RPL7: variants seen among roughly 807,000 people sequenced by gnomAD.
The protein encoded by RPL7 is ribosomal protein L7.
For missense variants in RPL7, 205 were observed against 301.9 expected (o/e 0.68, Z 2.38); for synonymous variants, 100 against 102.2 (o/e 0.98, Z 0.13).
In RPL7 at chr8:73,290,881, A is replaced by G. The variant is rs559361127; in HGVS notation, c.*1+162T>C. The G allele has an allele frequency of 4.8e-6, 3 of 630,088 alleles. No homozygotes were observed. The South Asian group carries it at 6.3e-5, about 13-fold the overall frequency. The allele number at this position is 630,088 out of a possible 1,614,324, so 39.0% of individuals were successfully genotyped here. On this transcript the variant is annotated intron_variant, in intron 6 of 6. Transcript: ENST00000352983. ...CTCCAGAAAGGTCCTCAAAAGCAGT[A>G]AACAAACCAACTGTAATCATTAAGA...
At chr8:73,291,497 G>A in intron 5 of RPL7, 55 bp downstream of exon 5, 1 of 1,269,072 alleles carries the variant, frequency 7.9e-7, no homozygotes, top group South Asian at 1.3e-5. Context: ...GGCCACAAGA[G>A]GGTAAGAAAT....
intron 1 of RPL7, chr8:73,293,075 A>AAAAAAAAAC (rs1225053350): frequency 1.5e-5 from 5 of 328,736 alleles, no homozygotes; most frequent in African/African-American, 1.1e-4. Flanking sequence ...GACTAATTAA[A>AAAAAAAAAC]AAAAAAAACA....
At chr8:73,293,463 G>T in intron 1 of RPL7, 136 bp downstream of exon 1, 1 of 1,083,576 alleles carries the variant, frequency 9.2e-7, no homozygotes, top group Non-Finnish European at 1.4e-6. Context: ...GTCCCCACTG[G>T]TGTCACACAG....
In RPL7 at chr8:73,291,539, A is replaced by C. The variant is rs1380726866; in HGVS notation, c.538+13T>G. 3.2e-6 allele frequency: 5 copies of C among 1,582,800 alleles called. No individual in the cohort carries two copies. Among genetic ancestry groups the C allele is most frequent in the Non-Finnish European group, 3.5e-6 (4 of 1,157,672 alleles). ...ATGGTCTAATACCAAATTTTCCCCC[A>C]AATAGAACCTACCAAGAGATCGAGC... On this transcript the variant is annotated intron_variant, in intron 5 of 6. Coordinates refer to ENST00000352983, the MANE Select transcript of RPL7 (RefSeq NM_000971.4).
rs1814102733 is a variant in RPL7, at chr8:73,291,782, A to G, written c.419T>C (p.Ile140Thr). 1 of 1,606,512 alleles carries G rather than the reference A, an allele frequency of 6.2e-7. No homozygotes were observed. The highest frequency in any genetic ancestry group is 1.3e-5 in the African/African-American group (1 of 74,790). ...INMLRIVEPY[I>T]AWGYPNLKSV... ...GAGAAAAGAGACTTACCCCCATGCAATATATGGCTCTACAATCCTCAGCAT... is the reference window on the plus strand; with the variant it reads ...GAGAAAAGAGACTTACCCCCATGCAGTATATGGCTCTACAATCCTCAGCAT... The change falls in exon 4 of 7, where the codon ATT becomes ACT. Residue 140 changes from isoleucine (I) to threonine (T), a missense_variant. Physicochemically the swap from Ile to Thr is moderately conservative, Grantham distance 89 (BLOSUM62 -1). Coordinates refer to ENST00000352983, the MANE Select transcript of RPL7 (RefSeq NM_000971.4).
At chr8:73,293,157 A>G (rs531853309) in intron 1 of RPL7, 1 of 252,740 alleles carries the variant, frequency 4.0e-6, no homozygotes, top group East Asian at 7.9e-5. Flanking sequence ...TGACCCCGAG[A>G]CTTTAAGCGC....
Position 73,293,627 on chromosome 8 carries a change from A to G in RPL7, c.-15T>C. ...ACACCCTCCATGGTTCCAGCCGGAA[A>G]AAGAGGAAGTTGGCGCATGCGTACT... On this transcript the variant is annotated 5_prime_UTR_variant, in exon 1 of 7. Transcript: ENST00000352983. 1.2e-6 allele frequency: 2 copies of G among 1,613,838 alleles called. No individual in the cohort carries two copies. The highest frequency in any genetic ancestry group is 1.7e-6 in the Non-Finnish European group (2 of 1,179,854).
At chr8:73,290,731 GA>G (rs35507167) in intron 6 of RPL7, 26 bp from the exon 7 acceptor site, 2 of 245,070 alleles carry the variant, frequency 8.2e-6, no homozygotes, top group Non-Finnish European at 1.6e-5. Context: ...AAAACCATTA[GA>G]AAACACTTTA....
intron 2 of RPL7, 40 bp downstream of exon 2, chr8:73,292,649 G>A: frequency 6.9e-7 from 1 of 1,440,084 alleles, no homozygotes; most frequent in Non-Finnish European, 9.7e-7. Flanking sequence ...TCCCAATAAG[G>A]CGCCTCCTTA....
Position 73,291,642 on chromosome 8 carries a change from C to T in RPL7, c.448G>A (p.Val150Ile), listed in dbSNP as rs1253657224. 6.3e-7 allele frequency: 1 copy of T among 1,594,598 alleles called. No individual in the cohort carries two copies. Among genetic ancestry groups the T allele is most frequent in the African/African-American group, 1.3e-5 (1 of 74,648 alleles). The change falls in exon 5 of 7, where the codon GTA becomes ATA. Residue 150 changes from valine to isoleucine, a missense_variant. By Grantham distance (29) the Val-to-Ile change is conservative (BLOSUM62 3). Coordinates refer to ENST00000352983, the MANE Select transcript of RPL7 (RefSeq NM_000971.4). ...CCACGCTTGTAGATTAGTTCATTTA[C>T]TGACTTCAGATTGGGGTACCTGAAG... ...IAWGYPNLKS[V>I]NELIYKRGYG...
Position 73,292,511 on chromosome 8 carries a change from C to T in RPL7, c.124-106G>A, listed in dbSNP as rs538121531. 9.2e-6 allele frequency: 11 copies of T among 1,192,506 alleles called. No individual in the cohort carries two copies. In the African/African-American group the frequency reaches 1.5e-4, roughly 17 times the overall value. 73.9% of individuals were successfully genotyped at this position (1,192,506 alleles called of 1,614,324 possible). ...CATGTTTCCTTTAAATCTTTTCTTG[C>T]CACAGTATGCAATTACATCCCCCAC... On this transcript the variant is annotated intron_variant, in intron 2 of 6. Transcript: ENST00000352983.
Position 73,290,685 on chromosome 8 carries a change from A to G in RPL7, c.*22T>C. On this transcript the variant is annotated 3_prime_UTR_variant, in exon 7 of 7. Coordinates refer to ENST00000352983, the MANE Select transcript of RPL7 (RefSeq NM_000971.4). ...ACTGTTTATTAACCAACCAGCTTAG[A>G]AAAATAATCATGGTAGACACCTGAA... 1 of 195,358 alleles carries G rather than the reference A, an allele frequency of 5.1e-6. No homozygotes were observed. Among genetic ancestry groups the G allele is most frequent in the Non-Finnish European group, 1.0e-5 (1 of 95,326 alleles). 12.1% of individuals were successfully genotyped at this position (195,358 alleles called of 1,614,324 possible). A position where few individuals can be genotyped will look rare whatever the true frequency, so the allele number is the denominator to read the frequency against.
chr8:73,293,617 C>G lies in RPL7; in HGVS notation c.-5G>C. On this transcript the variant is annotated 5_prime_UTR_variant, in exon 1 of 7. Transcript: ENST00000352983. ...AACTCACTCTACACCCTCCATGGTT[C>G]CAGCCGGAAAAAGAGGAAGTTGGCG... 6.2e-7 allele frequency: 1 copy of G among 1,613,874 alleles called. No homozygotes were observed. Among genetic ancestry groups the G allele is most frequent in the Non-Finnish European group, 8.5e-7 (1 of 1,179,908 alleles).
chr8:73,293,746 G>A, upstream of RPL7: 1 of 1,084,748 alleles, frequency 9.2e-7, no homozygotes, highest in Non-Finnish European at 1.4e-6. Context: ...CCGCCTTGCA[G>A]ACGCAAAGAA....
In RPL7 at chr8:73,292,718, G is replaced by A; in HGVS notation, c.94C>T (p.Arg32Cys). The change falls in exon 2 of 7, where the codon CGC (arginine) becomes TGC (cysteine). Residue 32 changes from arginine to cysteine, a missense_variant. Coordinates refer to ENST00000352983, the MANE Select transcript of RPL7 (RefSeq NM_000971.4). ...RRNFAELKIKRLRKKFAQKML... is the reference protein window; with the variant it reads ...RRNFAELKIKCLRKKFAQKML... ...TTTTGGGCAAACTTCTTTCTCAGGC[G>A]CTTGATCTTCAGCTCTGCGAAATTC... 6.2e-7 allele frequency: 1 copy of A among 1,613,464 alleles called. No individual in the cohort carries two copies. The highest frequency in any genetic ancestry group is 8.5e-7 in the Non-Finnish European group (1 of 1,179,802).
At chr8:73,293,692 T>G, upstream of RPL7, 1 of 1,557,492 alleles carries the variant, frequency 6.4e-7, no homozygotes, top group Non-Finnish European at 8.8e-7. Flanking sequence ...CCACGACTCA[T>G]AGGTGTCTTA....
chr8:73,292,844 A>T (rs1814136993), intron 1 of RPL7, 47 bp from the exon 2 acceptor site: 3 of 1,403,162 alleles, frequency 2.1e-6, no homozygotes, highest in Non-Finnish European at 3.0e-6. Flanking sequence ...AAAAGCTCAC[A>T]GCGCTGTATT....
chr8:73,291,294 A>G (rs1814088807), intron 5 of RPL7, 42 bp from the exon 6 acceptor site: 1 of 1,487,764 alleles, frequency 6.7e-7, no homozygotes, highest in Non-Finnish European at 9.2e-7. Context: ...AAGTTGCAAA[A>G]AGTTTTGAAA....
intron 1 of RPL7, chr8:73,293,188 A>G (rs1364113958): frequency 5.1e-6 from 1 of 195,580 alleles, no homozygotes; most frequent in East Asian, 1.1e-4. Flanking sequence ...AAATAAAAAT[A>G]AAAAAAAAAC....
Sources: gnomAD v4.1 joint callset for allele counts on GRCh38, gnomAD v4.1.1 for gene constraint, MANE v1.5 for transcripts, NCBI Gene and HGNC (gene_info 2026-07-23, HGNC 2026-07-21) for gene names.